The following CDK12 variants were observed in gnomAD, a reference collection of about 807,000 sequenced individuals.
CDK12 encodes the protein cyclin-dependent kinase 12.
CDK12 carries 17 observed loss-of-function variants against 133.8 expected under a neutral mutation model. The ratio of observed to expected loss-of-function variants is 0.13; its 90% confidence interval spans 0.09 to 0.19. The LOEUF is 0.19. Ranked by LOEUF, CDK12 falls within the 10% of genes least tolerant of loss-of-function variation. The pLI, the probability that CDK12 is intolerant of heterozygous loss-of-function variation, is 1.00. For synonymous variants in CDK12, 694 were observed against 683.6 expected (o/e 1.02, Z -0.24); for missense variants, 1,508 against 1,818.7 (o/e 0.83, Z 3.11).
At position 39,462,781 on chromosome 17, in the gene CDK12, C is replaced by T. The variant is rs2144895672; in HGVS notation, c.710C>T (p.Pro237Leu). 6.2e-7 allele frequency: 1 copy of T among 1,614,184 alleles called. No individual in the cohort carries two copies. The highest frequency in any genetic ancestry group is 8.5e-7 in the Non-Finnish European group (1 of 1,180,034). ...GACAGCTCCAAACAAGATGATAGCC[C>T]CTCGGGAGCTTCTTATGGCCAAGAT... ...WSDSSKQDDS[P>L]SGASYGQDYD... is the part of the protein sequence containing the mutation. Residue 237 changes from proline (P) to leucine (L), a missense_variant, in exon 1 of 14, where the codon CCC (proline) becomes CTC (leucine). This residue lies in a region of CDK12 where 460 missense variants were observed against 490.8 expected (regional missense o/e 0.94). Coordinates refer to ENST00000447079, the MANE Select transcript of CDK12 (RefSeq NM_016507.4).
At chr17:39,489,709 G>A (rs1403302589) in intron 2 of CDK12, among the ~76,000 whole-genome samples, 1 of 142,516 alleles carries the variant, frequency 7.0e-6, no homozygotes, top group Non-Finnish European at 1.5e-5. Flanking sequence ...GGCCAGGCTG[G>A]TCTCGAACTT....
chr17:39,470,881 G>A lies in CDK12; in HGVS notation c.1049G>A (p.Arg350Lys). 6.3e-7 allele frequency: 1 copy of A among 1,593,978 alleles called. No homozygotes were observed. Among genetic ancestry groups the A allele is most frequent in the Non-Finnish European group, 8.5e-7 (1 of 1,173,608 alleles). ...AAACTGGCTTTTTATTTTTCCAGTA[G>A]GAAATCCATGAAGTCCAGAAGTAGA... is the stretch of plus-strand genomic sequence containing the variant. Reference protein sequence around the residue: ...RSLSRSPLPSRKSMKSRSRSP... With the variant: ...RSLSRSPLPSKKSMKSRSRSP... Residue 350 changes from arginine to lysine, a missense_variant and splice_region_variant, in exon 2 of 14, where the codon AGG becomes AAG. Physicochemically the swap from Arg to Lys is conservative, Grantham distance 26 (BLOSUM62 2). Transcript: ENST00000447079.
At chr17:39,495,392 T>TGG (rs1567730163) in intron 5 of CDK12, among the ~76,000 whole-genome samples, 55 of 132,578 alleles carry the variant, frequency 4.1e-4, no homozygotes, top group African/African-American at 1.8e-3. Flanking sequence ...GTGTTTTTTT[T>TGG]TTTTTTTTTT....
chr17:39,560,028 C>T (rs574577536), intron 3 of CDK12, among the ~76,000 whole-genome samples: 6 of 152,192 alleles, frequency 3.9e-5, no homozygotes, highest in East Asian at 1.9e-4. Context: ...AACTCCTAGC[C>T]GCAAGCAGTG....
chr17:39,531,484 G>A lies in CDK12; in HGVS notation c.*168G>A, dbSNP rs560773459. 2.9e-5 allele frequency: 16 copies of A among 558,338 alleles called. No homozygotes were observed. Among genetic ancestry groups the A allele is most frequent in the Middle Eastern group, 4.9e-4 (1 of 2,024 alleles). The allele number at this position is 558,338 out of a possible 1,614,324, so 34.6% of individuals were successfully genotyped here. On this transcript the variant is annotated 3_prime_UTR_variant, in exon 14 of 14. Transcript: ENST00000447079. ...CACTTGCTACTAGCAGGCGACTTAC[G>A]AAATAATGATGTTGGCACCAGTTCC...
intron 7 of CDK12, among the ~76,000 whole-genome samples, chr17:39,510,114 CTTTTTTTTTTTTTT>C (rs762953806): frequency 1.6e-5 from 2 of 125,480 alleles, no homozygotes; most frequent in Admixed American, 1.6e-4. Context: ...CAATCTCTCT[CTTTTTTTTTTTTTT>C]TTTTTTTTGA....
downstream of CDK12, among the ~76,000 whole-genome samples, chr17:39,539,293 A>G (rs1189654339): frequency 6.6e-6 from 1 of 152,222 alleles, no homozygotes; most frequent in Non-Finnish European, 1.5e-5. Flanking sequence ...TCATCCTAAA[A>G]TGTCTTCAAA....
intron 2 of CDK12, among the ~76,000 whole-genome samples, chr17:39,490,212 C>G (rs554112493): frequency 4.0e-5 from 6 of 150,410 alleles, no homozygotes; most frequent in Non-Finnish European, 8.9e-5. Flanking sequence ...ACTAAAAATA[C>G]AAAAATTAGT....
intron 6 of CDK12, among the ~76,000 whole-genome samples, chr17:39,509,163 G>A (rs1215252397): frequency 1.3e-5 from 2 of 152,256 alleles, no homozygotes; most frequent in Middle Eastern, 3.4e-3. Context: ...TAAGAATGGG[G>A]CCCAGGAAAC....
intron 2 of CDK12, among the ~76,000 whole-genome samples, chr17:39,472,784 A>T (rs776240520): frequency 6.6e-6 from 1 of 151,982 alleles, no homozygotes; most frequent in Non-Finnish European, 1.5e-5. Context: ...TATATAAATA[A>T]CATGCTATCG....
chr17:39,521,901 A>G (rs1481370359), intron 11 of CDK12, among the ~76,000 whole-genome samples: 5 of 149,752 alleles, frequency 3.3e-5, no homozygotes, highest in African/African-American at 1.2e-4. Flanking sequence ...GGAGTCTCAC[A>G]ATGTTGTCCA....
In CDK12 at chr17:39,481,589, T is replaced by C. The variant is rs2050651760; in HGVS notation, c.1932-8968T>C. ...TCTTCCAAAGTGCTGGAATTACACG[T>C]GTGAGCCACTGCGCCCAGCACTTAT... On this transcript the variant is annotated intron_variant, in intron 2 of 13. Coordinates refer to ENST00000447079, the MANE Select transcript of CDK12 (RefSeq NM_016507.4). 2.7e-5 allele frequency among the ~76,000 whole-genome samples: 4 copies of C among 150,842 alleles called. No homozygotes were observed. In the South Asian group the frequency reaches 8.3e-4, roughly 31 times the overall value.
intron 2 of CDK12, among the ~76,000 whole-genome samples, chr17:39,479,990 C>G (rs964974845): frequency 6.7e-6 from 1 of 150,294 alleles, no homozygotes; most frequent in Non-Finnish European, 1.5e-5. Flanking sequence ...ATGGCGTGAT[C>G]TCGGCTGACT....
chr17:39,525,719 A>G (rs760249013), intron 12 of CDK12, 145 bp from the exon 13 acceptor site: 1 of 640,304 alleles, frequency 1.6e-6, no homozygotes, highest in Non-Finnish European at 2.8e-6. Context: ...AAAATGTGTC[A>G]TGACATTTTG....
chr17:39,477,497 CA>C (rs1403161819), intron 2 of CDK12, among the ~76,000 whole-genome samples: 2 of 151,928 alleles, frequency 1.3e-5, no homozygotes, highest in African/African-American at 4.8e-5. Context: ...CTTGGCCTCC[CA>C]AAGTGCTGGG....
chr17:39,518,104 A>G (rs566051764), intron 10 of CDK12, among the ~76,000 whole-genome samples: 12 of 151,742 alleles, frequency 7.9e-5, no homozygotes, highest in East Asian at 2.0e-4. Flanking sequence ...CAGCCTCCCA[A>G]TGTAGTTGGG....
intron 6 of CDK12, among the ~76,000 whole-genome samples, chr17:39,503,373 A>T (rs1452332265): frequency 1.3e-5 from 2 of 152,106 alleles, no homozygotes; most frequent in Non-Finnish European, 2.9e-5. Context: ...GCGCCCGGCC[A>T]AAAGAGTATT....
chr17:39,563,062 G>A (rs1408541394), intron 3 of CDK12, among the ~76,000 whole-genome samples: 2 of 151,980 alleles, frequency 1.3e-5, no homozygotes, highest in Non-Finnish European at 2.9e-5. Flanking sequence ...AAATTCACAT[G>A]CATATTCATC....
At chr17:39,540,100 A>T (rs2055340470) in intron 1 of CDK12, among the ~76,000 whole-genome samples, 1 of 152,254 alleles carries the variant, frequency 6.6e-6, no homozygotes, top group Admixed American at 6.5e-5. Flanking sequence ...GTTCTTGCCA[A>T]GACATGAAGC....
Sources: allele counts gnomAD v4.1 joint callset (sites outside exome capture counted in the v4.1 genomes callset), GRCh38; gene constraint gnomAD v4.1.1; regional missense constraint gnomAD v4.1.1; transcripts MANE v1.5; gene names NCBI Gene and HGNC (gene_info 2026-07-23, HGNC 2026-07-21).